Variants in XRCC5 observed in about 807,000 individuals in gnomAD.
XRCC5 encodes DNA repair protein Ku80.
XRCC5 carries 12 observed loss-of-function variants against 95.7 expected under a neutral mutation model. The observed-to-expected ratio is 0.13, with a 90% CI of 0.08 to 0.20. XRCC5 has a LOEUF of 0.20. Among genes scored for constraint, XRCC5 ranks in the 10% least tolerant of loss-of-function variants. XRCC5 has a pLI of 1.00. For synonymous variants in XRCC5, 281 were observed against 290.3 expected, an observed-to-expected ratio of 0.97 and a Z score of 0.33; for missense variants, 595 against 873.9, an observed-to-expected ratio of 0.68 and a Z score of 4.02.
At chr2:216,200,712 T>G (rs1391261973) in intron 19 of XRCC5, among the ~76,000 whole-genome samples, 3 of 152,222 alleles carry the variant, frequency 2.0e-5, no homozygotes, top group Non-Finnish European at 4.4e-5. Flanking sequence ...GTAACCACTA[T>G]TCTGACTTCT....
At chr2:216,117,574 G>A in intron 3 of XRCC5, 172 bp from the exon 4 acceptor site, 1 of 566,446 alleles carries the variant, frequency 1.8e-6, no homozygotes, top group Non-Finnish European at 3.2e-6. Flanking sequence ...TTGATATATA[G>A]AATGTATGAA....
At chr2:216,113,885 T>C (rs1405661112) in intron 2 of XRCC5, among the ~76,000 whole-genome samples, 2 of 152,216 alleles carry the variant, frequency 1.3e-5, no homozygotes, top group Non-Finnish European at 2.9e-5. Flanking sequence ...AGACCTATTT[T>C]TAGAAGCCCC....
In XRCC5 at chr2:216,132,398, A is replaced by G; in HGVS notation, c.1113+11A>G. On this transcript the variant is annotated intron_variant, in intron 10 of 20. Coordinates refer to ENST00000392132, the MANE Select transcript of XRCC5 (RefSeq NM_021141.4). ...GCAAGAGATGATGAGGTGAGTTGGC[A>G]GCAGGTCTTTGAGGTAGTGCTACAG... 6.2e-7 allele frequency: 1 copy of G among 1,613,760 alleles called. No homozygotes were observed. The highest frequency in any genetic ancestry group is 8.5e-7 in the Non-Finnish European group (1 of 1,179,666).
At chr2:216,149,521 T>C (rs1688703638) in intron 14 of XRCC5, among the ~76,000 whole-genome samples, 1 of 152,254 alleles carries the variant, frequency 6.6e-6, no homozygotes, top group Admixed American at 6.5e-5. Flanking sequence ...TCTGGATTTG[T>C]ATTTTAAAAC....
At chr2:216,110,562 G>A (rs1267438619) in intron 1 of XRCC5, 3 of 152,210 alleles carry the variant, frequency 2.0e-5, no homozygotes, top group Non-Finnish European at 4.4e-5. Flanking sequence ...GTATAGAAAT[G>A]AAGAGTTGCT....
chr2:216,180,848 C>T (rs1210674213), intron 16 of XRCC5, among the ~76,000 whole-genome samples: 12 of 147,198 alleles, frequency 8.2e-5, no homozygotes, highest in African/African-American at 2.8e-4. Flanking sequence ...GTTTCGCTGT[C>T]GTTGCCCGGG....
chr2:216,196,626 G>A (rs182990494), intron 19 of XRCC5, among the ~76,000 whole-genome samples: 2 of 152,248 alleles, frequency 1.3e-5, no homozygotes, highest in East Asian at 3.9e-4. Flanking sequence ...GAAATTTGTA[G>A]GACAGGCTAG....
At chr2:216,195,319 G>C (rs1163356767) in intron 19 of XRCC5, among the ~76,000 whole-genome samples, 1 of 118,678 alleles carries the variant, frequency 8.4e-6, no homozygotes, top group Admixed American at 9.5e-5. Flanking sequence ...CCACACATTA[G>C]TTACTTGGTG....
intron 16 of XRCC5, among the ~76,000 whole-genome samples, chr2:216,184,670 G>A (rs1414221161): frequency 6.6e-6 from 1 of 152,108 alleles, no homozygotes; most frequent in African/African-American, 2.4e-5. Context: ...TTTAGTAGAC[G>A]GGGTTTCGCC....
rs2106007216 is a variant in XRCC5, at chr2:216,127,759, T to C, written c.937+85T>C. 6.5e-6 allele frequency: 9 copies of C among 1,380,940 alleles called. No homozygotes were observed. The South Asian group carries it at 1.2e-4, about 19-fold the overall frequency. 85.5% of individuals were successfully genotyped at this position (1,380,940 alleles called of 1,614,324 possible). ...GCAGGCTGGGGTTTGTATTATTCTTTGTTTAAAGTTATTTCTTTGAGTTAT... is the reference window on the plus strand; with the variant it reads ...GCAGGCTGGGGTTTGTATTATTCTTCGTTTAAAGTTATTTCTTTGAGTTAT... On this transcript the variant is annotated intron_variant, in intron 8 of 20. Transcript: ENST00000392132.
intron 19 of XRCC5, among the ~76,000 whole-genome samples, chr2:216,202,744 G>A (rs41296803): frequency 9.9e-4 from 151 of 152,300 alleles, no homozygotes; most frequent in African/African-American, 3.5e-3. Context: ...ATAGTGAGGT[G>A]GTCTTAACTG....
Position 216,117,782 on chromosome 2 carries a change from A to C in XRCC5, c.356A>C (p.Gln119Pro). 1.2e-6 allele frequency: 2 copies of C among 1,614,162 alleles called. No homozygotes were observed. The highest frequency in any genetic ancestry group is 1.7e-6 in the Non-Finnish European group (2 of 1,179,986). Residue 119 changes from glutamine to proline, a missense_variant, in exon 4 of 21, where the codon CAA (glutamine) becomes CCA (proline). Physicochemically the swap from Gln to Pro is moderately conservative, Grantham distance 76. Transcript: ENST00000392132. ...DALIVSMDVI[Q>P]HETIGKKFEK... ...CTAATCGTGAGCATGGATGTGATTCAACATGAAACAATGTAAGTGTTCCAA... is the reference window on the plus strand; with the variant it reads ...CTAATCGTGAGCATGGATGTGATTCCACATGAAACAATGTAAGTGTTCCAA...
At chr2:216,140,069 A>G (rs1402958010) in intron 12 of XRCC5, among the ~76,000 whole-genome samples, 2 of 152,196 alleles carry the variant, frequency 1.3e-5, no homozygotes, top group Admixed American at 6.5e-5. Flanking sequence ...TCACATGTAC[A>G]AGTACTGCCC....
rs369723351 is a variant in XRCC5 at position 216,205,173 on chromosome 2, T to C, written c.2185-15T>C. ...TGGCCTGATTCCTTTCTAAGTGTGT[T>C]GTTCTTGTTCACAGTTGGACATGAT... On this transcript the variant is annotated splice_polypyrimidine_tract_variant and intron_variant, in intron 20 of 20. Coordinates refer to ENST00000392132, the MANE Select transcript of XRCC5 (RefSeq NM_021141.4). 1.2e-6 allele frequency: 2 copies of C among 1,613,778 alleles called. No individual in the cohort carries two copies. Among genetic ancestry groups the C allele is most frequent in the African/African-American group, 2.7e-5 (2 of 74,894 alleles).
chr2:216,132,401 A>T lies in XRCC5; in HGVS notation c.1113+14A>T. The T allele has an allele frequency of 6.2e-7, 1 of 1,613,212 alleles. No individual in the cohort carries two copies. The highest frequency in any genetic ancestry group is 8.5e-7 in the Non-Finnish European group (1 of 1,179,212). On this transcript the variant is annotated intron_variant, in intron 10 of 20. Transcript: ENST00000392132. ...AGAGATGATGAGGTGAGTTGGCAGCAGGTCTTTGAGGTAGTGCTACAGAAT... is the reference window on the plus strand; with the variant it reads ...AGAGATGATGAGGTGAGTTGGCAGCTGGTCTTTGAGGTAGTGCTACAGAAT...
At chr2:216,171,022 G>C (rs953431938) in intron 16 of XRCC5, among the ~76,000 whole-genome samples, 2 of 152,198 alleles carry the variant, frequency 1.3e-5, no homozygotes, top group African/African-American at 4.8e-5. Context: ...AGATTGTGCT[G>C]ATGTGCAAAC....
At chr2:216,135,390 T>G (rs1321574656) in intron 10 of XRCC5, among the ~76,000 whole-genome samples, 1 of 151,762 alleles carries the variant, frequency 6.6e-6, no homozygotes, top group Non-Finnish European at 1.5e-5. Flanking sequence ...CAGTCAGTGA[T>G]CAGCTCAGTG....
intron 7 of XRCC5, 42 bp downstream of exon 7, chr2:216,126,073 C>T (rs1381777686): frequency 1.3e-6 from 2 of 1,499,214 alleles, no homozygotes; most frequent in Admixed American, 3.4e-5. Flanking sequence ...TGTTACCAGG[C>T]AGATAAATAT....
At chr2:216,202,938 T>C (rs1689867070) in intron 19 of XRCC5, among the ~76,000 whole-genome samples, 1 of 152,234 alleles carries the variant, frequency 6.6e-6, no homozygotes, top group Non-Finnish European at 1.5e-5. Flanking sequence ...ACTTGCCACA[T>C]GCAGCCTCAT....
Sources: gnomAD v4.1 joint callset for allele counts (sites outside exome capture counted in the v4.1 genomes callset) on GRCh38, gnomAD v4.1.1 for gene constraint, MANE v1.5 for transcripts, NCBI Gene and HGNC (gene_info 2026-07-23, HGNC 2026-07-21) for gene names.